The following SLC35D2 variants were observed in gnomAD, a reference collection of about 807,000 sequenced individuals.
SLC35D2 encodes nucleotide sugar transporter SLC35D2.
In SLC35D2, 43 loss-of-function variants were observed where a neutral mutation model predicts 41.8. That is an observed-to-expected ratio of 1.03 (90% CI 0.81 to 1.33). The LOEUF (loss-of-function observed/expected upper bound fraction) is 1.33, where lower values mean the gene tolerates loss of function less well. SLC35D2 is among the 40% of genes most tolerant of loss of function. The probability of loss-of-function intolerance (pLI) is 0.00; values close to 1 mark genes in which losing one functional copy is unlikely to be tolerated. For missense variants in SLC35D2, 380 were observed against 408.4 expected, an observed-to-expected ratio of 0.93 and a Z score of 0.60; for synonymous variants, 150 against 163.9, an observed-to-expected ratio of 0.92 and a Z score of 0.65.
chr9:96,368,313 G>A lies in SLC35D2; in HGVS notation c.159-8C>T. 6.2e-7 allele frequency: 1 copy of A among 1,602,500 alleles called. No individual in the cohort carries two copies. The highest frequency in any genetic ancestry group is 8.5e-7 in the Non-Finnish European group (1 of 1,173,140). ...AAAATTGGTGACGGGAAACTACAAA[G>A]GACACAGAACAACAAATCAGTTGAG... On this transcript the variant is annotated splice_polypyrimidine_tract_variant and splice_region_variant and intron_variant, in intron 1 of 11. Transcript: ENST00000253270.
chr9:96,343,920 G>A lies in SLC35D2; in HGVS notation c.668C>T (p.Thr223Ile), dbSNP rs1476661648. The change falls in exon 8 of 12, where the codon ACT becomes ATT. Residue 223 changes from threonine (T) to isoleucine (I), a missense_variant. Thr to Ile is a moderately conservative substitution (Grantham distance 89). Transcript: ENST00000253270. ...IIPTLIISVS[T>I]GDLQQATEFN... is the part of the protein sequence containing the mutation. ...TCAGCTCACCTGTTGCAGGTCTCCAGTGGAGACACTAATAATAAGAGTTGG... is the reference window on the plus strand; with the variant it reads ...TCAGCTCACCTGTTGCAGGTCTCCAATGGAGACACTAATAATAAGAGTTGG... 2.1e-5 allele frequency: 33 copies of A among 1,575,044 alleles called. No individual in the cohort carries two copies. Among genetic ancestry groups the A allele is most frequent in the Non-Finnish European group, 2.6e-5 (30 of 1,160,564 alleles).
intron 1 of SLC35D2, among the ~76,000 whole-genome samples, chr9:96,380,778 T>C (rs1202098726): frequency 2.0e-5 from 3 of 152,098 alleles, no homozygotes; most frequent in African/African-American, 7.2e-5. Context: ...CGGCCTTTTT[T>C]TTTTATCCTA....
At position 96,314,585 on chromosome 9, in the gene SLC35D2, G is replaced by A. The variant is rs565824094; in HGVS notation, c.*1350C>T. The A allele has an allele frequency of 4.6e-5, 7 of 152,216 alleles. 1 individual carries two copies. In the South Asian group the frequency reaches 1.5e-3, roughly 32 times the overall value. 9.4% of individuals were successfully genotyped at this position (152,216 alleles called of 1,614,324 possible). A position where few individuals can be genotyped will look rare whatever the true frequency, so the allele number is the denominator to read the frequency against. On this transcript the variant is annotated 3_prime_UTR_variant and NMD_transcript_variant, in exon 12 of 12. Coordinates refer to the SLC35D2 transcript ENST00000650065. ...AGGGGAACAACACACACTGGGGCCT[G>A]TTAGGGGGGTGCGGGAGAGGGAGCA...
In SLC35D2 at chr9:96,335,935, C is replaced by A. The variant is rs143564503; in HGVS notation, c.752+782G>T. ...AAGTGTGGTGGTGCATGCCTGTAAT[C>A]CCAGCTACTCGGGAGGCTGAGGCAG... On this transcript the variant is annotated intron_variant, in intron 9 of 11. Transcript: ENST00000253270. Among the ~76,000 whole-genome samples, 451 of 151,896 alleles carry A rather than the reference C, an allele frequency of 3.0e-3. 10 individuals carry two copies. Among genetic ancestry groups the A allele is most frequent in the Admixed American group, 0.023 (344 of 15,238 alleles).
At chr9:96,325,939 A>G (rs1160790581) in intron 9 of SLC35D2, among the ~76,000 whole-genome samples, 2 of 152,166 alleles carry the variant, frequency 1.3e-5, no homozygotes, top group African/African-American at 4.8e-5. Flanking sequence ...TGGTAGAGGG[A>G]AAAAAATCAG....
intron 6 of SLC35D2, among the ~76,000 whole-genome samples, chr9:96,349,129 C>G (rs189331478): frequency 1.3e-5 from 2 of 152,288 alleles, no homozygotes; most frequent in Non-Finnish European, 2.9e-5. Context: ...GCTGAAGAGG[C>G]TTTTCTTGGA....
intron 7 of SLC35D2, among the ~76,000 whole-genome samples, chr9:96,344,720 G>A (rs1179641475): frequency 2.0e-5 from 3 of 147,218 alleles, no homozygotes; most frequent in African/African-American, 7.7e-5. Flanking sequence ...CTGGGGGTGG[G>A]GGAGGGATGG....
rs1282062370 is a variant in SLC35D2 at position 96,322,054 on chromosome 9, T to C, written c.858A>G (p.Ile286Met). The C allele has an allele frequency of 1.2e-6, 2 of 1,606,486 alleles. No individual in the cohort carries two copies. Among genetic ancestry groups the C allele is most frequent in the African/African-American group, 1.3e-5 (1 of 74,862 alleles). The part of the protein sequence containing the change: ...IKNVSVAYIG[I>M]LIGGDYIFSL... Reference sequence around the variant, plus strand: ...AGAAAATGTAGTCTCCACCGATTAATATCCCAATGTAGGCAACGGATACAT... The same window carrying C: ...AGAAAATGTAGTCTCCACCGATTAACATCCCAATGTAGGCAACGGATACAT... Residue 286 changes from isoleucine (I) to methionine (M), a missense_variant, in exon 11 of 12, where the codon ATA (isoleucine) becomes ATG (methionine). Ile to Met is a conservative substitution (Grantham distance 10). Transcript: ENST00000253270.
At chr9:96,345,977 C>G (rs1326518002) in intron 6 of SLC35D2, among the ~76,000 whole-genome samples, 1 of 152,214 alleles carries the variant, frequency 6.6e-6, no homozygotes, top group East Asian at 1.9e-4. Context: ...TTATAAATAG[C>G]ACCAGCATAA....
At chr9:96,344,168 C>A (rs934241586) in intron 7 of SLC35D2, among the ~76,000 whole-genome samples, 172 bp from the exon 8 acceptor site, 1 of 152,094 alleles carries the variant, frequency 6.6e-6, no homozygotes, top group African/African-American at 2.4e-5. Flanking sequence ...TTTGAGGGTA[C>A]TGAGATTTTG....
chr9:96,353,140 A>G (rs1266735296), intron 4 of SLC35D2, among the ~76,000 whole-genome samples: 1 of 152,196 alleles, frequency 6.6e-6, no homozygotes, highest in African/African-American at 2.4e-5. Context: ...GTCTGTGGGA[A>G]AAACATCAGA....
At chr9:96,350,793 C>T (rs1564107704) in intron 6 of SLC35D2, 1 of 218,074 alleles carries the variant, frequency 4.6e-6, no homozygotes, top group East Asian at 8.9e-5. Flanking sequence ...AAGAACTTCT[C>T]AAGTAAAGTT....
chr9:96,352,759 TG>T (rs1564109446), intron 4 of SLC35D2, among the ~76,000 whole-genome samples: 1 of 150,944 alleles, frequency 6.6e-6, no homozygotes, highest in Non-Finnish European at 1.5e-5. Flanking sequence ...CCTGACCGAC[TG>T]GGCACCGTGG....
chr9:96,381,439 G>A (rs1468973300), intron 1 of SLC35D2, among the ~76,000 whole-genome samples: 1 of 152,090 alleles, frequency 6.6e-6, no homozygotes, highest in East Asian at 1.9e-4. Context: ...CACTCCTCCA[G>A]GCCTGGAATG....
intron 11 of SLC35D2, 45 bp downstream of exon 11, chr9:96,321,953 G>T: frequency 8.9e-7 from 1 of 1,122,202 alleles, no homozygotes; most frequent in South Asian, 1.3e-5. Flanking sequence ...GAGTGTTTAA[G>T]GTTCTTGTCT....
intron 8 of SLC35D2, among the ~76,000 whole-genome samples, chr9:96,339,450 A>C (rs1005573768): frequency 6.6e-6 from 1 of 152,208 alleles, no homozygotes; most frequent in Non-Finnish European, 1.5e-5. Flanking sequence ...TTTCCTTAAT[A>C]ATGATGAGAC....
At chr9:96,360,081 T>C in intron 4 of SLC35D2, 73 bp downstream of exon 4, 1 of 1,105,002 alleles carries the variant, frequency 9.0e-7, no homozygotes, top group Non-Finnish European at 1.3e-6. Context: ...ATGGCAAAAA[T>C]CAATCTTGGT....
chr9:96,328,135 T>G (rs1828635306), intron 9 of SLC35D2, among the ~76,000 whole-genome samples: 2 of 152,244 alleles, frequency 1.3e-5, no homozygotes, highest in East Asian at 3.8e-4. Flanking sequence ...CTTTTATTAC[T>G]GAAAATATCA....
At chr9:96,374,589 C>A (rs1381436351) in intron 1 of SLC35D2, among the ~76,000 whole-genome samples, 2 of 150,620 alleles carry the variant, frequency 1.3e-5, no homozygotes, top group Non-Finnish European at 2.9e-5. Context: ...AATCCCAGCA[C>A]TTTGGGAGGA....
Sources: gnomAD v4.1 joint callset for allele counts (sites outside exome capture counted in the v4.1 genomes callset) on GRCh38, gnomAD v4.1.1 for gene constraint, MANE v1.5 for transcripts, NCBI Gene and HGNC (gene_info 2026-07-23, HGNC 2026-07-21) for gene names.